Variants in NEDD4L observed in about 807,000 individuals in gnomAD.
NEDD4L encodes NEDD4 like E3 ubiquitin protein ligase, also known as E3 ubiquitin-protein ligase NEDD4-like.
Under a neutral mutation model 148.9 loss-of-function variants are expected in NEDD4L, and 54 were observed. The observed-to-expected ratio is 0.36, with a 90% confidence interval of 0.29 to 0.45. The LOEUF (loss-of-function observed/expected upper bound fraction) is 0.45. NEDD4L is among the 20% of genes least tolerant of loss of function. The pLI is 1.00. For missense variants in NEDD4L, 856 were observed against 1,233.8 expected (o/e 0.69, Z 4.59); for synonymous variants, 433 against 440.7 (o/e 0.98, Z 0.22).
At chr18:58,221,552 G>T in intron 2 of NEDD4L, 6 of 985,418 alleles carry the variant, frequency 6.1e-6, no homozygotes, top group Non-Finnish European at 7.2e-6. Context: ...TAAGTAGCGA[G>T]CTGGGCGCAT....
intron 5 of NEDD4L, among the ~76,000 whole-genome samples, chr18:58,278,236 G>A (rs1346253517): frequency 1.3e-5 from 2 of 152,230 alleles, no homozygotes; most frequent in Admixed American, 6.5e-5. Context: ...AGTGTATGAT[G>A]TGGTCTGTTC....
chr18:58,191,981 G>C (rs1483389010), intron 2 of NEDD4L, among the ~76,000 whole-genome samples: 3 of 151,970 alleles, frequency 2.0e-5, no homozygotes, highest in Admixed American at 2.0e-4. Context: ...GACCAGTCTG[G>C]GTAACACGGT....
At chr18:58,324,633 G>C (rs1269097055) in intron 8 of NEDD4L, among the ~76,000 whole-genome samples, 2 of 152,188 alleles carry the variant, frequency 1.3e-5, no homozygotes, top group Non-Finnish European at 2.9e-5. Context: ...GCAGGGCTTT[G>C]TACAGCCTTG....
chr18:58,141,008 C>G (rs2033439819), intron 1 of NEDD4L, among the ~76,000 whole-genome samples: 1 of 152,184 alleles, frequency 6.6e-6, no homozygotes, highest in Non-Finnish European at 1.5e-5. Context: ...ACCCAGCTCT[C>G]CAGTCAGAAG....
intron 5 of NEDD4L, among the ~76,000 whole-genome samples, chr18:58,310,109 TC>T (rs1174995841): frequency 6.6e-6 from 1 of 152,196 alleles, no homozygotes; most frequent in African/African-American, 2.4e-5. Flanking sequence ...TAATAAGTGT[TC>T]CTCAAAATAG....
intron 12 of NEDD4L, among the ~76,000 whole-genome samples, chr18:58,334,673 G>A (rs561678352): frequency 3.3e-5 from 5 of 152,234 alleles, no homozygotes; most frequent in Admixed American, 6.5e-5. Context: ...AATGTATTAC[G>A]TATGAATTTG....
In NEDD4L at chr18:58,397,021, TGAAAG is replaced by T. The variant is rs1163903493; in HGVS notation, c.*756_*760del. The T allele has an allele frequency of 3.9e-5, 6 of 152,580 alleles. No individual in the cohort carries two copies. The highest frequency in any genetic ancestry group is 9.7e-5 in the African/African-American group (4 of 41,368). 9.5% of individuals were successfully genotyped at this position (152,580 alleles called of 1,614,324 possible). On this transcript the variant is annotated 3_prime_UTR_variant, in exon 31 of 31. Transcript: ENST00000400345. ...TAGCATGACAAATTTTGTGTTGACT[TGAAAG>T]GAATCACACCATTATTCCTTAGAAG... is the stretch of plus-strand genomic sequence containing the variant.
chr18:58,137,767 G>A (rs1399445790), intron 1 of NEDD4L, among the ~76,000 whole-genome samples: 9 of 151,982 alleles, frequency 5.9e-5, no homozygotes. Flanking sequence ...TCATACTGTT[G>A]GTCAGCTCCG....
At chr18:58,080,384 A>G (rs2083370357) in intron 1 of NEDD4L, among the ~76,000 whole-genome samples, 1 of 152,212 alleles carries the variant, frequency 6.6e-6, no homozygotes, top group Non-Finnish European at 1.5e-5. Context: ...TGGTTCTCAC[A>G]TGTTTGATAA....
chr18:58,232,643 C>G (rs1319017732), intron 2 of NEDD4L, among the ~76,000 whole-genome samples: 1 of 152,170 alleles, frequency 6.6e-6, no homozygotes, highest in Non-Finnish European at 1.5e-5. Context: ...TAATGTGGCT[C>G]TTTTTCTGTT....
At chr18:58,324,880 G>T (rs2059173688) in intron 8 of NEDD4L, 116 bp from the exon 9 acceptor site, 5 of 933,344 alleles carry the variant, frequency 5.4e-6, no homozygotes, top group Middle Eastern at 2.3e-4. Context: ...CGAAGCCATG[G>T]CTAGAGCCAG....
At chr18:58,357,008 A>T (rs1415843376) in intron 18 of NEDD4L, among the ~76,000 whole-genome samples, 186 bp from the exon 19 acceptor site, 1 of 152,136 alleles carries the variant, frequency 6.6e-6, no homozygotes, top group Non-Finnish European at 1.5e-5. Flanking sequence ...ACAGTATGTG[A>T]GGGGGGTTGC....
intron 2 of NEDD4L, among the ~76,000 whole-genome samples, chr18:58,203,091 C>T (rs1447352107): frequency 6.6e-6 from 1 of 152,090 alleles, no homozygotes; most frequent in Non-Finnish European, 1.5e-5. Context: ...CCTTAACCTC[C>T]TGAGTAGCTG....
rs1435206195 is a variant in NEDD4L, at chr18:58,385,585, A to C, written c.2486A>C (p.Glu829Ala). 6.2e-7 allele frequency: 1 copy of C among 1,613,082 alleles called. No homozygotes were observed. Among genetic ancestry groups the C allele is most frequent in the South Asian group, 1.1e-5 (1 of 91,038 alleles). The stretch of plus-strand genomic sequence containing the variant: ...CAGAAGCAGATGAACGCCTTCTTGG[A>C]GGTAAGCCATGCTGGCCAGGGTTCT... ...RVQKQMNAFL[E>A]GFTELLPIDL... The change falls in exon 26 of 31, where the codon GAG becomes GCG. Residue 829 changes from glutamate to alanine, a missense_variant and splice_region_variant. Physicochemically the swap from Glu to Ala is moderately radical, Grantham distance 107 (BLOSUM62 -1). Coordinates refer to ENST00000400345, the MANE Select transcript of NEDD4L (RefSeq NM_001144967.3).
intron 1 of NEDD4L, among the ~76,000 whole-genome samples, chr18:58,142,050 T>C (rs1453241020): frequency 7.8e-6 from 1 of 128,132 alleles, no homozygotes; most frequent in African/African-American, 2.9e-5. Flanking sequence ...CTTTTTTTTT[T>C]TTTTTTTTTT....
At chr18:58,080,336 T>TAAAA (rs1365875611) in intron 1 of NEDD4L, among the ~76,000 whole-genome samples, 2 of 152,236 alleles carry the variant, frequency 1.3e-5, no homozygotes, top group Non-Finnish European at 2.9e-5. Context: ...AGAGTTCTGG[T>TAAAA]AAAAGATTTA....
intron 5 of NEDD4L, among the ~76,000 whole-genome samples, chr18:58,292,985 A>G (rs1323451861): frequency 6.6e-6 from 1 of 152,214 alleles, no homozygotes; most frequent in Non-Finnish European, 1.5e-5. Context: ...ACAGCCCAAA[A>G]TACATTAGCT....
intron 1 of NEDD4L, among the ~76,000 whole-genome samples, chr18:58,111,247 T>C (rs533652242): frequency 3.3e-5 from 5 of 152,272 alleles, no homozygotes; most frequent in East Asian, 1.9e-4. Flanking sequence ...TTTGTATTTT[T>C]AGTAGAGACA....
intron 2 of NEDD4L, among the ~76,000 whole-genome samples, chr18:58,186,715 G>C (rs568086275): frequency 3.3e-4 from 50 of 152,350 alleles, no homozygotes; most frequent in Non-Finnish European, 6.0e-4. Flanking sequence ...AGTCACAGCA[G>C]ACTTAAGTGC....
Sources: gnomAD v4.1 joint callset for allele counts (sites outside exome capture counted in the v4.1 genomes callset) on GRCh38, gnomAD v4.1.1 for gene constraint, MANE v1.5 for transcripts, NCBI Gene and HGNC (gene_info 2026-07-23, HGNC 2026-07-21) for gene names.